SCN10A: variants seen among roughly 807,000 people sequenced by gnomAD.
SCN10A encodes sodium channel protein type 10 subunit alpha.
In SCN10A, 162 loss-of-function variants were observed where a neutral mutation model predicts 170.7. The ratio of observed to expected loss-of-function variants is 0.95; its 90% CI spans 0.84 to 1.08. The LOEUF is 1.08. Among genes scored for constraint, SCN10A ranks in the 50% least tolerant of loss-of-function variants. The pLI, the probability that SCN10A is intolerant of heterozygous loss-of-function variation, is 0.00. For missense variants in SCN10A, 2,527 were observed against 2,436.9 expected (o/e 1.04, Z -0.78); for synonymous variants, 985 against 904.6 (o/e 1.09, Z -1.59).
At chr3:38,804,983 G>A (rs1162189229) in intron 1 of SCN10A, among the ~76,000 whole-genome samples, 2 of 152,172 alleles carry the variant, frequency 1.3e-5, no homozygotes, top group Non-Finnish European at 2.9e-5. Context: ...TTTTAGTCAT[G>A]TAGACTCAGA....
At chr3:38,725,726 A>G (rs1192544632) in intron 17 of SCN10A, among the ~76,000 whole-genome samples, 2 of 152,274 alleles carry the variant, frequency 1.3e-5, no homozygotes, top group African/African-American at 2.4e-5. Flanking sequence ...TCAAAATTGT[A>G]GGGAACTTGG....
chr3:38,806,696 T>C (rs1205877218), intron 1 of SCN10A, among the ~76,000 whole-genome samples: 2 of 152,202 alleles, frequency 1.3e-5, no homozygotes, highest in Non-Finnish European at 2.9e-5. Context: ...ATGCATAATA[T>C]AGACCTTAAT....
rs1296940731 is a variant in SCN10A, at chr3:38,763,563, G to T, written c.633C>A (p.Ile211=). The change falls in exon 6 of 28, where the codon ATC becomes ATA. Residue 211 remains isoleucine, a synonymous_variant. Transcript: ENST00000449082. ...GAACTCTGAATGTCCGCAGGCCTGAGATCCCACGGAGATCTATTGCTGTGC... is the reference window on the plus strand; with the variant it reads ...GAACTCTGAATGTCCGCAGGCCTGATATCCCACGGAGATCTATTGCTGTGC... ...YVGTAIDLRG[I]SGLRTFRVLR... 2.5e-6 allele frequency: 4 copies of T among 1,614,104 alleles called. No individual in the cohort carries two copies. In the South Asian group the frequency reaches 4.4e-5, roughly 18 times the overall value.
At chr3:38,728,947 A>G in intron 15 of SCN10A, 46 bp from the exon 16 acceptor site, 2 of 1,543,282 alleles carry the variant, frequency 1.3e-6, no homozygotes, top group Non-Finnish European at 1.7e-6. Flanking sequence ...TGTGCTCATT[A>G]CCTTTCATCT....
chr3:38,705,487 C>T (rs752311316), intron 26 of SCN10A, among the ~76,000 whole-genome samples: 6 of 152,188 alleles, frequency 3.9e-5, no homozygotes, highest in African/African-American at 7.2e-5. Flanking sequence ...GGTCTTCCTG[C>T]CTGACCATCA....
chr3:38,701,907 A>AAAGC lies in SCN10A; in HGVS notation c.4585_4588dup (p.Leu1530CysfsTer15). On this transcript the variant is annotated frameshift_variant, in exon 27 of 28. Coordinates refer to ENST00000449082, the MANE Select transcript of SCN10A (RefSeq NM_006514.4). LOFTEE classifies it high-confidence loss of function. Reference sequence around the variant, plus strand: ...GCCATTTGTGAAGTAGTACTGCCTCAAAGCGAACATCTTCATGACACATTC... The same window carrying AAAGC: ...GCCATTTGTGAAGTAGTACTGCCTCAAAGCAAGCGAACATCTTCATGACACATTC... 6.2e-7 allele frequency: 1 copy of AAAGC among 1,614,214 alleles called. No individual in the cohort carries two copies. Among genetic ancestry groups the AAAGC allele is most frequent in the African/African-American group, 1.3e-5 (1 of 75,058 alleles).
chr3:38,712,158 C>T lies in SCN10A; in HGVS notation c.4089+3G>A, dbSNP rs756774376. 1.2e-6 allele frequency: 2 copies of T among 1,613,278 alleles called. No homozygotes were observed. Among genetic ancestry groups the T allele is most frequent in the Non-Finnish European group, 1.7e-6 (2 of 1,179,398 alleles). The stretch of plus-strand genomic sequence containing the variant: ...GATATGGTTGATCTCATGGTTGACT[C>T]ACCACCTGCAGAAGTGCAAGGTAAC... On this transcript the variant is annotated splice_donor_region_variant and intron_variant, in intron 23 of 27. Transcript: ENST00000449082.
intron 4 of SCN10A, among the ~76,000 whole-genome samples, chr3:38,787,565 GT>G (rs918241973): frequency 3.4e-5 from 5 of 149,150 alleles, no homozygotes; most frequent in Admixed American, 6.7e-5. Context: ...GACATCTTTG[GT>G]TTTTTTTTCT....
chr3:38,702,777 C>G (rs2063170243), intron 26 of SCN10A, among the ~76,000 whole-genome samples: 1 of 152,182 alleles, frequency 6.6e-6, no homozygotes, highest in Admixed American at 6.5e-5. Context: ...GGCGTAGGGT[C>G]AAGTCTTGGT....
At position 38,726,704 on chromosome 3, in the gene SCN10A, C is replaced by G; in HGVS notation, c.2989G>C (p.Val997Leu). The change falls in exon 17 of 28, where the codon GTG (valine) becomes CTG (leucine). Residue 997 changes from valine to leucine, a missense_variant. Val to Leu is a conservative substitution (Grantham distance 32). Transcript: ENST00000449082. ...FIANPTVWVS[V>L]PIAEGESDLD... is the part of the protein sequence containing the mutation. ...TCAGATTCACCCTCAGCAATGGGCA[C>G]AGAGACCCACACAGTCGGATTAGCG... 6.2e-7 allele frequency: 1 copy of G among 1,612,800 alleles called. No individual in the cohort carries two copies. Among genetic ancestry groups the G allele is most frequent in the Non-Finnish European group, 8.5e-7 (1 of 1,178,874 alleles).
At chr3:38,795,578 G>A (rs1420555723) in intron 1 of SCN10A, among the ~76,000 whole-genome samples, 8 of 151,820 alleles carry the variant, frequency 5.3e-5, no homozygotes, top group Admixed American at 3.3e-4. Context: ...TATCTTGATG[G>A]TCCTATTGGC....
rs189468147 is a variant in SCN10A, at chr3:38,739,425, G to C, written c.2280+90C>G. On this transcript the variant is annotated intron_variant, in intron 15 of 27. Transcript: ENST00000449082. Reference sequence around the variant, plus strand: ...CCCTCCCACAAGGACAGGAGAGGAAGGGGGAGCTGGCTGGTGCAGTCCCCA... The same window carrying C: ...CCCTCCCACAAGGACAGGAGAGGAACGGGGAGCTGGCTGGTGCAGTCCCCA... 8.5e-4 allele frequency: 1,003 copies of C among 1,178,830 alleles called. 7 individuals carry two copies. In the African/African-American group the frequency reaches 0.013, roughly 16 times the overall value. 73.0% of individuals were successfully genotyped at this position (1,178,830 alleles called of 1,614,324 possible). A position where few individuals can be genotyped will look rare whatever the true frequency, so the allele number is the denominator to read the frequency against.
intron 4 of SCN10A, among the ~76,000 whole-genome samples, chr3:38,772,796 C>G (rs28523323): frequency 0.15 from 22,817 of 151,250 alleles, 1,817 homozygotes; most frequent in African/African-American, 0.18. Flanking sequence ...AGAGGCTCCA[C>G]GTATAGAACA....
At chr3:38,787,328 G>C (rs2064219175) in intron 4 of SCN10A, among the ~76,000 whole-genome samples, 1 of 152,068 alleles carries the variant, frequency 6.6e-6, no homozygotes. Flanking sequence ...TTTGTTGCTA[G>C]TGTCTATACA....
intron 14 of SCN10A, among the ~76,000 whole-genome samples, chr3:38,740,861 G>A (rs1258855128): frequency 6.6e-6 from 1 of 152,180 alleles, no homozygotes; most frequent in Non-Finnish European, 1.5e-5. Context: ...TTTTCTAACT[G>A]TAGAATGAGG....
chr3:38,703,320 GT>G (rs564246741), intron 26 of SCN10A, among the ~76,000 whole-genome samples: 1 of 152,102 alleles, frequency 6.6e-6, no homozygotes, highest in Non-Finnish European at 1.5e-5. Context: ...TTGTCTCTTG[GT>G]TTATTGCACA....
At chr3:38,724,111 G>A (rs1452371110) in intron 18 of SCN10A, among the ~76,000 whole-genome samples, 1 of 152,222 alleles carries the variant, frequency 6.6e-6, no homozygotes, top group Non-Finnish European at 1.5e-5. Context: ...TTGGGAAGAA[G>A]CATGACATCC....
rs2064243809 is a variant in SCN10A, at chr3:38,788,944, A to G, written c.470+12T>C. ...AAAGAGATGGTACAATAATGATAGC[A>G]AATCTACTCACTCAATTTTCTCTGG... is the stretch of plus-strand genomic sequence containing the variant. On this transcript the variant is annotated intron_variant, in intron 4 of 27. Transcript: ENST00000449082. 2.0e-6 allele frequency: 3 copies of G among 1,525,982 alleles called. No homozygotes were observed. Among genetic ancestry groups the G allele is most frequent in the Non-Finnish European group, 2.7e-6 (3 of 1,100,074 alleles). 94.5% of individuals were successfully genotyped at this position (1,525,982 alleles called of 1,614,324 possible).
intron 1 of SCN10A, among the ~76,000 whole-genome samples, chr3:38,798,250 A>G (rs2126063585): frequency 6.6e-6 from 1 of 152,270 alleles, no homozygotes; most frequent in Admixed American, 6.5e-5. Flanking sequence ...TAAGGATACT[A>G]GGGTTTTATC....
Sources: gnomAD v4.1 joint callset for allele counts (sites outside exome capture counted in the v4.1 genomes callset) on GRCh38, gnomAD v4.1.1 for gene constraint, MANE v1.5 for transcripts, NCBI Gene and HGNC (gene_info 2026-07-23, HGNC 2026-07-21) for gene names.